The following LRRC9 variants were observed in gnomAD, a reference collection of about 807,000 sequenced individuals.
LRRC9 encodes leucine-rich repeat-containing protein 9.
A neutral mutation model predicts 63.2 loss-of-function variants in LRRC9; 122 were observed. The ratio of observed to expected loss-of-function variants is 1.93; its 90% CI spans 1.67 to 2.24. LRRC9 has a LOEUF of 2.24. Ranked by LOEUF, LRRC9 falls within the 30% of genes most tolerant of loss-of-function variation. LRRC9 has a pLI of 0.00. For missense variants in LRRC9, 1,071 were observed against 627.7 expected, an observed-to-expected ratio of 1.71 and a Z score of -7.55; for synonymous variants, 366 against 213.1, an observed-to-expected ratio of 1.72 and a Z score of -6.25.
chr14:60,014,003 C>G lies in LRRC9; in HGVS notation c.3187-2657C>G, dbSNP rs1566876570. ...TCTTTCTTCTGTTTTCTTTTTTGTGCCTTCCTGTGAGCTTCCTGAACACAT... is the reference window on the plus strand; with the variant it reads ...TCTTTCTTCTGTTTTCTTTTTTGTGGCTTCCTGTGAGCTTCCTGAACACAT... On this transcript the variant is annotated intron_variant, in intron 23 of 31. Coordinates refer to ENST00000445360, the Ensembl canonical transcript of LRRC9. Among the ~76,000 whole-genome samples, 3 of 151,820 alleles carry G rather than the reference C, an allele frequency of 2.0e-5. 1 individual carries two copies. The highest frequency in any genetic ancestry group is 6.6e-5 in the Admixed American group (1 of 15,240).
At position 59,923,381 on chromosome 14, in the gene LRRC9, T is replaced by C. The variant is rs1888941087; in HGVS notation, c.-34+3498T>C. Among the ~76,000 whole-genome samples the C allele has an allele frequency of 6.6e-6, 1 of 152,178 alleles. No individual in the cohort carries two copies. Among genetic ancestry groups the C allele is most frequent in the Non-Finnish European group, 1.5e-5 (1 of 68,022 alleles). On this transcript the variant is annotated intron_variant, in intron 1 of 31. Coordinates refer to ENST00000445360, the Ensembl canonical transcript of LRRC9. The surrounding 1 kb of genome is among the most constrained non-coding windows in gnomAD (Gnocchi z 4.2). ...AGATTTGTATCCCAAATAGGCATAT[T>C]TTTCTTCCAAGGAAAAGTAGTCTCA...
At chr14:60,018,814 C>T (rs1468976375) in intron 25 of LRRC9, among the ~76,000 whole-genome samples, 2 of 151,802 alleles carry the variant, frequency 1.3e-5, no homozygotes, top group African/African-American at 4.8e-5. Context: ...CTACTAAGGC[C>T]TTTTAAACAT....
chr14:60,055,611 G>C (rs1375909693), intron 30 of LRRC9, among the ~76,000 whole-genome samples: 1 of 152,056 alleles, frequency 6.6e-6, no homozygotes, highest in African/African-American at 2.4e-5. Flanking sequence ...TACTGGCAGG[G>C]GCCAGGCTTG....
chr14:60,026,804 A>T (rs1483183532), intron 27 of LRRC9, among the ~76,000 whole-genome samples: 1 of 151,964 alleles, frequency 6.6e-6, no homozygotes, highest in African/African-American at 2.4e-5. Context: ...AAATGAGTTG[A>T]CTGTAAATGT....
intron 26 of LRRC9, among the ~76,000 whole-genome samples, chr14:60,020,338 G>GT (rs1175683779): frequency 6.6e-6 from 1 of 151,774 alleles, no homozygotes; most frequent in African/African-American, 2.4e-5. Flanking sequence ...TATATGACAA[G>GT]TTATTTATGC....
chr14:60,041,393 C>T (rs1892929018), intron 29 of LRRC9, among the ~76,000 whole-genome samples: 2 of 152,204 alleles, frequency 1.3e-5, no homozygotes, highest in African/African-American at 4.8e-5. Context: ...CTTTCAGGTA[C>T]ACCAATCACA....
intron 6 of LRRC9, among the ~76,000 whole-genome samples, chr14:59,933,349 A>G (rs1206147552): frequency 2.0e-5 from 3 of 152,114 alleles, no homozygotes; most frequent in Admixed American, 1.3e-4. Flanking sequence ...AATCCTTAAC[A>G]CAGTGTTGGA....
At chr14:60,045,098 C>T (rs1893303015) in intron 29 of LRRC9, among the ~76,000 whole-genome samples, 2 of 113,962 alleles carry the variant, frequency 1.8e-5, no homozygotes, top group South Asian at 2.7e-4. Flanking sequence ...ACTCTTTTAT[C>T]TAATATAAGT....
downstream of LRRC9, among the ~76,000 whole-genome samples, chr14:60,066,065 G>A (rs1360443401): frequency 1.3e-5 from 2 of 151,958 alleles, no homozygotes; most frequent in African/African-American, 4.8e-5. Context: ...TAATCCTCCT[G>A]CCTCGGCTCC....
intron 31 of LRRC9, among the ~76,000 whole-genome samples, chr14:60,062,727 T>C (rs1457145024): frequency 2.6e-5 from 4 of 152,142 alleles, no homozygotes; most frequent in African/African-American, 2.4e-5. Flanking sequence ...TGCTCAACAC[T>C]TGACTTCTTA....
exon 5 of LRRC9, chr14:59,931,654 C>T (rs945451311): frequency 1.4e-5 from 10 of 698,862 alleles, no homozygotes; most frequent in Non-Finnish European, 2.6e-5. Context: ...AAGATCTCAA[C>T]CTTGCTGGAA....
At chr14:59,955,947 T>A (rs980851575) in intron 8 of LRRC9, among the ~76,000 whole-genome samples, 1 of 152,182 alleles carries the variant, frequency 6.6e-6, no homozygotes, top group Non-Finnish European at 1.5e-5. Flanking sequence ...TTTGTGTGGG[T>A]TTTAAGTGAG....
chr14:60,021,067 A>G (rs115393045), intron 26 of LRRC9, among the ~76,000 whole-genome samples: 2 of 151,908 alleles, frequency 1.3e-5, no homozygotes, highest in Non-Finnish European at 2.9e-5. Flanking sequence ...AGAAACCGCT[A>G]AACTGTTTTC....
chr14:59,929,576 G>C (rs987054522), intron 3 of LRRC9, among the ~76,000 whole-genome samples: 7 of 151,978 alleles, frequency 4.6e-5, no homozygotes, highest in African/African-American at 1.7e-4. Flanking sequence ...CCATTACTGG[G>C]TATATACCCA....
At chr14:60,059,393 C>A (rs569891039) in intron 31 of LRRC9, among the ~76,000 whole-genome samples, 1 of 152,290 alleles carries the variant, frequency 6.6e-6, no homozygotes, top group African/African-American at 2.4e-5. Context: ...GGAAGAATCT[C>A]AGATCTCTCA....
exon 32 of LRRC9, chr14:60,063,558 T>C (rs1894792011): frequency 2.1e-6 from 1 of 467,700 alleles, no homozygotes; most frequent in Non-Finnish European, 3.8e-6. Context: ...TCTTAAACTT[T>C]CTTTATGGTT....
chr14:60,009,300 A>T (rs1016482407), intron 23 of LRRC9, among the ~76,000 whole-genome samples: 8 of 152,240 alleles, frequency 5.3e-5, no homozygotes, highest in Non-Finnish European at 1.2e-4. Context: ...ATGGACTCAC[A>T]GTTCCACATG....
chr14:59,980,460 T>G (rs1291687504), intron 15 of LRRC9, among the ~76,000 whole-genome samples: 1 of 152,280 alleles, frequency 6.6e-6, no homozygotes, highest in South Asian at 2.1e-4. Flanking sequence ...TTTTAAACTT[T>G]TTTTGACTAT....
chr14:60,063,542 C>G, exon 32 of LRRC9: 1 of 498,248 alleles, frequency 2.0e-6, no homozygotes. Flanking sequence ...GATTTAATAT[C>G]ACCTCTCTTA....
Sources: allele counts gnomAD v4.1 joint callset (sites outside exome capture counted in the v4.1 genomes callset), GRCh38; gene constraint gnomAD v4.1.1; non-coding constraint Gnocchi (gnomAD v3.1); transcripts MANE v1.5; gene names NCBI Gene and HGNC (gene_info 2026-07-23, HGNC 2026-07-21).